The following CNTN1 variants were observed in gnomAD, a reference collection of about 807,000 sequenced individuals.
The protein encoded by CNTN1 is contactin-1.
A neutral mutation model predicts 126.4 loss-of-function variants in CNTN1; 38 were observed. The observed-to-expected ratio is 0.30, with a 90% CI of 0.23 to 0.39. The LOEUF (loss-of-function observed/expected upper bound fraction) is 0.39. Ranked by LOEUF, CNTN1 falls within the 10% of genes least tolerant of loss-of-function variation. The probability of loss-of-function intolerance (pLI) is 1.00; values close to 1 mark genes in which losing one functional copy is unlikely to be tolerated. For synonymous variants in CNTN1, 413 were observed against 422.6 expected (o/e 0.98, Z 0.28); for missense variants, 1,009 against 1,248.4 (o/e 0.81, Z 2.89).
At chr12:40,802,450 C>T (rs1940691120) in intron 1 of CNTN1, among the ~76,000 whole-genome samples, 2 of 151,940 alleles carry the variant, frequency 1.3e-5, no homozygotes, top group African/African-American at 4.8e-5. Context: ...TGACAAGACA[C>T]TTTTGTAAGC....
At chr12:41,013,038 G>A (rs148113566) in intron 17 of CNTN1, among the ~76,000 whole-genome samples, 1,684 of 152,234 alleles carry the variant, frequency 0.011, 12 homozygotes, top group Middle Eastern at 0.038. Context: ...AGGGGTCCCC[G>A]AGCAGAAAAG....
intron 1 of CNTN1, among the ~76,000 whole-genome samples, chr12:40,907,552 C>T (rs779153903): frequency 4.6e-5 from 7 of 152,110 alleles, no homozygotes; most frequent in Non-Finnish European, 7.4e-5. Flanking sequence ...ATCACATGGT[C>T]GTACATGATT....
At chr12:41,016,969 C>T (rs1174722228) in intron 19 of CNTN1, 53 bp downstream of exon 19, 2 of 1,433,290 alleles carry the variant, frequency 1.4e-6, no homozygotes, top group African/African-American at 2.8e-5. Context: ...ACGTATTTCT[C>T]TAGCAGGCAT....
In CNTN1 at chr12:40,853,510, C is replaced by T. The variant is rs974481518; in HGVS notation, c.-76-54847C>T. Among the ~76,000 whole-genome samples, 4 of 152,106 alleles carry T rather than the reference C, an allele frequency of 2.6e-5. No homozygotes were observed. The East Asian group carries it at 7.7e-4, about 29-fold the overall frequency. ...TCTGTGACATCAAAACTGTTTCCAACATGTGATGGTCATGTTTACATTGTC... is the reference window on the plus strand; with the variant it reads ...TCTGTGACATCAAAACTGTTTCCAATATGTGATGGTCATGTTTACATTGTC... On this transcript the variant is annotated intron_variant, in intron 1 of 23. Transcript: ENST00000551295.
intron 15 of CNTN1, among the ~76,000 whole-genome samples, chr12:40,966,036 A>ACACACACACACG (rs1379183927): frequency 6.7e-6 from 1 of 149,314 alleles, no homozygotes; most frequent in African/African-American, 2.5e-5. Flanking sequence ...ACACACACAC[A>ACACACACACACG]CACGCACGCA....
chr12:40,870,822 C>T (rs1397827261), intron 1 of CNTN1, among the ~76,000 whole-genome samples: 2 of 152,064 alleles, frequency 1.3e-5, no homozygotes, highest in African/African-American at 4.8e-5. Flanking sequence ...TTGAGCTTGG[C>T]CAGTTCATAA....
At chr12:41,068,071 A>T (rs1447477989) in intron 23 of CNTN1, among the ~76,000 whole-genome samples, 1 of 152,194 alleles carries the variant, frequency 6.6e-6, no homozygotes, top group East Asian at 1.9e-4. Flanking sequence ...TTCTAAAACC[A>T]GTCCCTTGCT....
intron 15 of CNTN1, among the ~76,000 whole-genome samples, chr12:40,975,103 T>C (rs1947633776): frequency 6.6e-6 from 1 of 150,536 alleles, no homozygotes; most frequent in South Asian, 2.1e-4. Flanking sequence ...ATCCCATCTC[T>C]GTACTCTGTC....
chr12:40,812,893 G>GCATT (rs1669332852), intron 1 of CNTN1, among the ~76,000 whole-genome samples: 1 of 148,232 alleles, frequency 6.7e-6, no homozygotes, highest in South Asian at 2.1e-4. Flanking sequence ...TAATCCATTT[G>GCATT]CATTCAAGGT....
At chr12:40,908,068 A>G (rs2136807494) in intron 1 of CNTN1, among the ~76,000 whole-genome samples, 1 of 152,346 alleles carries the variant, frequency 6.6e-6, no homozygotes, top group Admixed American at 6.5e-5. Flanking sequence ...TAAACACATG[A>G]TTGAGTGACA....
chr12:40,804,716 A>G (rs1289514753), intron 1 of CNTN1, among the ~76,000 whole-genome samples: 1 of 151,928 alleles, frequency 6.6e-6, no homozygotes, highest in Admixed American at 6.6e-5. Flanking sequence ...GGCTATTTTT[A>G]CCATTTTAAG....
chr12:40,923,471 T>C (rs1945523872), intron 5 of CNTN1, among the ~76,000 whole-genome samples: 1 of 152,078 alleles, frequency 6.6e-6, no homozygotes, highest in African/African-American at 2.4e-5. Context: ...TAAATTAGTG[T>C]GGTGAGAGTG....
At chr12:40,805,270 T>A (rs993659496) in intron 1 of CNTN1, among the ~76,000 whole-genome samples, 1 of 152,044 alleles carries the variant, frequency 6.6e-6, no homozygotes, top group African/African-American at 2.4e-5. Flanking sequence ...TTCCCTCTTT[T>A]CTTCTGGACT....
At chr12:40,938,407 T>C (rs901016477) in intron 11 of CNTN1, among the ~76,000 whole-genome samples, 1 of 152,316 alleles carries the variant, frequency 6.6e-6, no homozygotes, top group South Asian at 2.1e-4. Context: ...TTTTGGCATT[T>C]TGCAGGGTGT....
At chr12:40,695,035 A>G (rs144782165) in intron 1 of CNTN1, among the ~76,000 whole-genome samples, 87 of 152,290 alleles carry the variant, frequency 5.7e-4, no homozygotes, top group African/African-American at 1.9e-3. Context: ...CTAGTAGACT[A>G]TTTTCACTTG....
At chr12:40,867,165 A>C (rs2136659346) in intron 1 of CNTN1, among the ~76,000 whole-genome samples, 1 of 152,252 alleles carries the variant, frequency 6.6e-6, no homozygotes, top group Non-Finnish European at 1.5e-5. Context: ...TTCAATCGTA[A>C]ATCACTGAAT....
At chr12:40,775,123 A>G (rs970732333) in intron 1 of CNTN1, among the ~76,000 whole-genome samples, 3 of 150,548 alleles carry the variant, frequency 2.0e-5, no homozygotes, top group Non-Finnish European at 4.5e-5. Context: ...TTTTGTACCC[A>G]TTAACCATCC....
chr12:41,058,238 C>A (rs551467535), intron 23 of CNTN1, among the ~76,000 whole-genome samples: 16 of 152,208 alleles, frequency 1.1e-4, no homozygotes, highest in African/African-American at 3.4e-4. Context: ...CTAGAAAATT[C>A]ATTATGAATT....
At chr12:41,001,734 C>T (rs1036785838) in intron 17 of CNTN1, among the ~76,000 whole-genome samples, 1 of 151,990 alleles carries the variant, frequency 6.6e-6, no homozygotes, top group African/African-American at 2.4e-5. Flanking sequence ...CTAAGTTGTC[C>T]TCCAGGGTTT....
Sources: allele counts gnomAD v4.1 joint callset (sites outside exome capture counted in the v4.1 genomes callset), GRCh38; gene constraint gnomAD v4.1.1; transcripts MANE v1.5; gene names NCBI Gene and HGNC (gene_info 2026-07-23, HGNC 2026-07-21).